Variants in MYO1H observed in about 807,000 individuals in gnomAD.
MYO1H encodes unconventional myosin-Ih.
In MYO1H, 118 loss-of-function variants were observed where a neutral mutation model predicts 149.3. That is an observed-to-expected ratio of 0.79 (90% CI 0.68 to 0.92). The LOEUF is 0.92. Among genes scored for constraint, MYO1H ranks in the 40% least tolerant of loss-of-function variants. The pLI, the probability that MYO1H is intolerant of heterozygous loss-of-function variation, is 0.00. For missense variants in MYO1H, 1,212 were observed against 1,280.7 expected (o/e 0.95, Z 0.82); for synonymous variants, 447 against 465.2 (o/e 0.96, Z 0.50).
chr12:109,359,396 A>T (rs1404051108), intron 1 of MYO1H: 1 of 152,128 alleles, frequency 6.6e-6, no homozygotes, highest in Non-Finnish European at 1.5e-5. Context: ...ATAACAAGAA[A>T]GGGTTGCACA....
intron 26 of MYO1H, 59 bp downstream of exon 26, chr12:109,441,767 TG>T: frequency 8.2e-7 from 1 of 1,222,528 alleles, no homozygotes; most frequent in Non-Finnish European, 1.2e-6. Context: ...AGTTAAAGGG[TG>T]GGGTGCGGTG....
chr12:109,365,530 T>C (rs1427328921), intron 1 of MYO1H, among the ~76,000 whole-genome samples: 2 of 152,148 alleles, frequency 1.3e-5, no homozygotes. Flanking sequence ...GTGGAGGTGG[T>C]GAGCTTGGTT....
intron 3 of MYO1H, among the ~76,000 whole-genome samples, chr12:109,395,617 C>G (rs1192692364): frequency 1.3e-5 from 2 of 151,910 alleles, no homozygotes; most frequent in Non-Finnish European, 2.9e-5. Flanking sequence ...CACTTATAAT[C>G]CCAGCTACTC....
Position 109,367,276 on chromosome 12 carries a change from T to C in MYO1H, c.12+19304T>C, listed in dbSNP as rs192337705. Among the ~76,000 whole-genome samples the C allele has an allele frequency of 5.0e-3, 762 of 152,222 alleles. 7 individuals are homozygous for C. Among genetic ancestry groups the C allele is most frequent in the African/African-American group, 0.017 (724 of 41,526 alleles). The stretch of plus-strand genomic sequence containing the variant: ...AGACCATACAAATGAAAGACAAAAA[T>C]AAGTTCTCCTTAGACCCTTAGGAAG... On this transcript the variant is annotated intron_variant, in intron 1 of 31. Coordinates refer to ENST00000310903, the Ensembl canonical transcript of MYO1H.
chr12:109,380,666 G>T (rs755821441), intron 1 of MYO1H, among the ~76,000 whole-genome samples: 4 of 152,206 alleles, frequency 2.6e-5, no homozygotes, highest in Admixed American at 2.0e-4. Flanking sequence ...TAAGGTTAAG[G>T]CTGGGTGTGA....
chr12:109,348,512 C>T (rs1868387301), intron 1 of MYO1H, among the ~76,000 whole-genome samples: 1 of 152,196 alleles, frequency 6.6e-6, no homozygotes, highest in African/African-American at 2.4e-5. Flanking sequence ...ACATTTTCTT[C>T]ATTACCCTAG....
chr12:109,385,105 A>C (rs899374287), intron 1 of MYO1H, among the ~76,000 whole-genome samples: 12 of 152,158 alleles, frequency 7.9e-5, no homozygotes, highest in Admixed American at 7.2e-4. Context: ...GTACAATTAT[A>C]ATTCCGTTTT....
At chr12:109,370,732 G>A (rs1295665912) in intron 1 of MYO1H, among the ~76,000 whole-genome samples, 1 of 152,110 alleles carries the variant, frequency 6.6e-6, no homozygotes, top group African/African-American at 2.4e-5. Flanking sequence ...CTTCCTCTTT[G>A]AATTCTCTAG....
chr12:109,374,727 A>G (rs755460737), intron 1 of MYO1H, among the ~76,000 whole-genome samples: 3 of 152,194 alleles, frequency 2.0e-5, no homozygotes, highest in Non-Finnish European at 4.4e-5. Flanking sequence ...CATATAGTAT[A>G]AGAGTTTCTC....
chr12:109,411,099 A>G (rs1489140459), intron 13 of MYO1H, among the ~76,000 whole-genome samples: 2 of 152,012 alleles, frequency 1.3e-5, no homozygotes, highest in Non-Finnish European at 2.9e-5. Context: ...CTGAGATCAT[A>G]CCACTGCGCT....
intron 31 of MYO1H, chr12:109,446,043 C>T (rs1872465661): frequency 6.1e-6 from 6 of 984,810 alleles, no homozygotes; most frequent in African/African-American, 1.8e-5. Flanking sequence ...AAAATATAAA[C>T]GTAAGAAAAA....
At chr12:109,387,735 C>T (rs1017055343) in intron 1 of MYO1H, among the ~76,000 whole-genome samples, 1 of 152,178 alleles carries the variant, frequency 6.6e-6, no homozygotes, top group Non-Finnish European at 1.5e-5. Context: ...TGGCCAAGGG[C>T]CTGGTGACCA....
upstream of MYO1H, among the ~76,000 whole-genome samples, chr12:109,344,176 C>T (rs183820354): frequency 6.6e-5 from 10 of 152,266 alleles, no homozygotes; most frequent in East Asian, 1.4e-3. Context: ...ATTTTCATCA[C>T]ATCACATTAA....
the MYO1H span, among the ~76,000 whole-genome samples, chr12:109,319,494 T>G: frequency 1.3e-5 from 2 of 152,194 alleles, no homozygotes. Flanking sequence ...CTTCTGGAGA[T>G]CTGGTGCACA....
the MYO1H span, among the ~76,000 whole-genome samples, chr12:109,324,740 C>T: frequency 1.3e-5 from 2 of 151,380 alleles, no homozygotes; most frequent in Non-Finnish European, 2.9e-5. Flanking sequence ...TTCCAGGATA[C>T]GTTTGCAGAA....
chr12:109,353,108 T>C (rs1231671872), intron 1 of MYO1H, among the ~76,000 whole-genome samples: 1 of 152,084 alleles, frequency 6.6e-6, no homozygotes, highest in Non-Finnish European at 1.5e-5. Flanking sequence ...AACAATATTA[T>C]TGTGAGGCTG....
At chr12:109,428,732 T>C (rs1592813592) in intron 19 of MYO1H, among the ~76,000 whole-genome samples, 1 of 152,222 alleles carries the variant, frequency 6.6e-6, no homozygotes, top group South Asian at 2.1e-4. Flanking sequence ...CCGCTACTTA[T>C]TCATTCATCT....
chr12:109,441,443 C>A (rs559554634), intron 25 of MYO1H, among the ~76,000 whole-genome samples, 172 bp from the exon 26 acceptor site: 1 of 152,192 alleles, frequency 6.6e-6, no homozygotes, highest in Non-Finnish European at 1.5e-5. Flanking sequence ...ACCAATATGA[C>A]TTTCAGGGCA....
At chr12:109,343,887 GGT>G (rs2048094416), upstream of MYO1H, among the ~76,000 whole-genome samples, 1 of 152,080 alleles carries the variant, frequency 6.6e-6, no homozygotes, top group Non-Finnish European at 1.5e-5. Flanking sequence ...CATTGCACTA[GGT>G]GTATTGCATA....
Sources: allele counts gnomAD v4.1 joint callset (sites outside exome capture counted in the v4.1 genomes callset), GRCh38; gene constraint gnomAD v4.1.1; transcripts MANE v1.5; gene names NCBI Gene and HGNC (gene_info 2026-07-23, HGNC 2026-07-21).